DNAH17: variants seen among roughly 807,000 people sequenced by gnomAD.
DNAH17 encodes the protein axonemal beta dynein heavy chain 17.
In DNAH17, 376 loss-of-function variants were observed where a neutral mutation model predicts 485.6. The ratio of observed to expected loss-of-function variants is 0.77; its 90% CI spans 0.71 to 0.84. The LOEUF (loss-of-function observed/expected upper bound fraction) is 0.84. DNAH17 is among the 40% of genes least tolerant of loss of function. DNAH17 has a pLI of 0.00. For synonymous variants in DNAH17, 3,031 were observed against 2,405.9 expected (o/e 1.26, Z -7.60); for missense variants, 6,370 against 5,839.3 (o/e 1.09, Z -2.96).
In DNAH17 at chr17:78,506,729, G is replaced by T. The variant is rs2090495453; in HGVS notation, c.4794C>A (p.Asp1598Glu). ...DLLDILSNGN[D>E]PVEVSRHLSK... is the part of the protein sequence containing the mutation. ...AAGGGGCCCCGCCTACCTCCACGGG[G>T]TCATTGCCATTGGAGAGAATGTCCA... The change falls in exon 30 of 81, where the codon GAC becomes GAA. Residue 1598 changes from aspartate (D) to glutamate (E), a missense_variant. By Grantham distance (45) the Asp-to-Glu change is conservative. Coordinates refer to ENST00000389840, the MANE Select transcript of DNAH17 (RefSeq NM_173628.4). The T allele has an allele frequency of 1.9e-6, 3 of 1,613,848 alleles. No homozygotes were observed. The highest frequency in any genetic ancestry group is 1.1e-5 in the South Asian group (1 of 91,088).
At position 78,436,560 on chromosome 17, in the gene DNAH17, CAG is replaced by C. The variant is rs764139838; in HGVS notation, c.12033+1079_12033+1080del. The stretch of plus-strand genomic sequence containing the variant: ...GGAGAAATATCGACATGAGGACCTG[CAG>C]AGGCAGGAGCACCCCCGAGGACAAG... On this transcript the variant is annotated intron_variant, in intron 74 of 80. Coordinates refer to ENST00000389840, the MANE Select transcript of DNAH17 (RefSeq NM_173628.4). 5.9e-5 allele frequency among the ~76,000 whole-genome samples: 9 copies of C among 152,196 alleles called. 1 individual carries two copies. In the East Asian group the frequency reaches 7.7e-4, roughly 13 times the overall value.
At chr17:78,544,124 T>C in intron 16 of DNAH17, 127 bp from the exon 17 acceptor site, 2 of 1,335,682 alleles carry the variant, frequency 1.5e-6, no homozygotes, top group Non-Finnish European at 2.1e-6. Context: ...AGTCTAGTTC[T>C]CCACGATCCA....
At chr17:78,453,262 G>A (rs1376442538) in intron 65 of DNAH17, 81 bp downstream of exon 65, 12 of 1,544,016 alleles carry the variant, frequency 7.8e-6, no homozygotes, top group East Asian at 2.4e-5. Context: ...AATTCCGGGC[G>A]TTTTCTCTAC....
rs1371132388 is a variant in DNAH17 at position 78,524,171 on chromosome 17, TC to T, written c.3864+837del. On this transcript the variant is annotated intron_variant, in intron 25 of 80. Transcript: ENST00000389840. ...TTTATTTTTTGAGATGGAGTCTCAC[TC>T]TATCGCCCAGGCTGGAGTACAGTGG... Among the ~76,000 whole-genome samples the T allele has an allele frequency of 2.0e-5, 3 of 152,258 alleles. No individual in the cohort carries two copies. The East Asian group carries it at 5.8e-4, about 29-fold the overall frequency.
At chr17:78,508,407 C>G (rs935791880) in intron 27 of DNAH17, among the ~76,000 whole-genome samples, 1 of 152,246 alleles carries the variant, frequency 6.6e-6, no homozygotes, top group Non-Finnish European at 1.5e-5. Context: ...TACTTTTCTA[C>G]AACTTACGCT....
chr17:78,484,559 A>AG (rs761830625), intron 48 of DNAH17, among the ~76,000 whole-genome samples: 3 of 114,190 alleles, frequency 2.6e-5, no homozygotes, highest in Admixed American at 1.0e-4. Context: ...CCTCGGTGGA[A>AG]GGGGGGAAGG....
chr17:78,464,572 C>T (rs943062149), intron 56 of DNAH17, among the ~76,000 whole-genome samples: 5 of 152,254 alleles, frequency 3.3e-5, no homozygotes, highest in Non-Finnish European at 7.3e-5. Context: ...TCGGCACCAT[C>T]TTTCAATGAA....
At chr17:78,539,973 T>C (rs1330581365) in intron 17 of DNAH17, 93 bp from the exon 18 acceptor site, 8 of 1,300,726 alleles carry the variant, frequency 6.2e-6, no homozygotes, top group Non-Finnish European at 8.1e-6. Flanking sequence ...CGCCCGTCCA[T>C]GTTCACACGC....
chr17:78,433,135 G>A (rs1331043864), intron 75 of DNAH17, among the ~76,000 whole-genome samples: 1 of 152,184 alleles, frequency 6.6e-6, no homozygotes, highest in Non-Finnish European at 1.5e-5. Flanking sequence ...GAGGACCCAG[G>A]GTTTATAGGG....
chr17:78,445,464 C>A, intron 70 of DNAH17, 94 bp downstream of exon 70: 1 of 1,478,594 alleles, frequency 6.8e-7, no homozygotes, highest in South Asian at 1.3e-5. Flanking sequence ...GCCACAGAGC[C>A]TGGTATTCTG....
Position 78,479,765 on chromosome 17 carries a change from T to TA in DNAH17, c.7753-134dup, listed in dbSNP as rs1457849591. The TA allele has an allele frequency of 8.0e-6, 10 of 1,247,338 alleles. No homozygotes were observed. The South Asian group carries it at 1.2e-4, about 15-fold the overall frequency. 77.3% of individuals were successfully genotyped at this position (1,247,338 alleles called of 1,614,324 possible). A position where few individuals can be genotyped will look rare whatever the true frequency, so the allele number is the denominator to read the frequency against. ...TTTGGGCATTGTCAGAATGGGCAGT[T>TA]ACCCTCCTTGTGCCTTGCATGTGGT... On this transcript the variant is annotated intron_variant, in intron 49 of 80. Transcript: ENST00000389840.
At chr17:78,568,586 G>A (rs1047549139) in intron 9 of DNAH17, among the ~76,000 whole-genome samples, 8 of 152,086 alleles carry the variant, frequency 5.3e-5, no homozygotes, top group South Asian at 2.1e-4. Context: ...AGAGAAAACC[G>A]CCTTGAAGCT....
At chr17:78,500,578 G>A (rs1157720348) in intron 35 of DNAH17, 117 bp from the exon 36 acceptor site, 21 of 1,062,494 alleles carry the variant, frequency 2.0e-5, no homozygotes, top group Non-Finnish European at 2.7e-5. Context: ...GTACAATCTT[G>A]GCTCACTGCA....
Position 78,449,600 on chromosome 17 carries a change from C to T in DNAH17, c.11041-16G>A, listed in dbSNP as rs759319471. The T allele has an allele frequency of 1.2e-5, 19 of 1,594,814 alleles. No homozygotes were observed. The highest frequency in any genetic ancestry group is 1.7e-5 in the Admixed American group (1 of 58,132). On this transcript the variant is annotated splice_polypyrimidine_tract_variant and intron_variant, in intron 68 of 80. Transcript: ENST00000389840. ...CGTTGAAGGCCTGGGGATCCGCCAC[C>T]GAGAGCCATGGAGGCGTGCAGAGAT...
Position 78,532,477 on chromosome 17 carries a change from C to A in DNAH17, c.3114+5G>T, listed in dbSNP as rs138759235. The A allele has an allele frequency of 1.2e-6, 2 of 1,606,812 alleles. No homozygotes were observed. Among genetic ancestry groups the A allele is most frequent in the South Asian group, 2.2e-5 (2 of 89,672 alleles). On this transcript the variant is annotated splice_donor_5th_base_variant and intron_variant, in intron 20 of 80. Transcript: ENST00000389840. Reference sequence around the variant, plus strand: ...AGGAGGCTGGTGGGTGAGGTCTGCACGCACCTGCTCCTGGAACTGAGCCAG... The same window carrying A: ...AGGAGGCTGGTGGGTGAGGTCTGCAAGCACCTGCTCCTGGAACTGAGCCAG...
At chr17:78,543,153 C>T (rs2091647854) in intron 17 of DNAH17, among the ~76,000 whole-genome samples, 1 of 152,178 alleles carries the variant, frequency 6.6e-6, no homozygotes, top group African/African-American at 2.4e-5. Flanking sequence ...CTCACTCTTT[C>T]ACCCAGGCTG....
intron 22 of DNAH17, among the ~76,000 whole-genome samples, chr17:78,529,119 T>G (rs1361806342): frequency 6.6e-6 from 1 of 152,102 alleles, no homozygotes; most frequent in Non-Finnish European, 1.5e-5. Flanking sequence ...TTTCTATATT[T>G]TTGTAGAGAT....
chr17:78,554,436 CA>C (rs55701739), intron 14 of DNAH17, among the ~76,000 whole-genome samples: 16 of 32,240 alleles, frequency 5.0e-4, no homozygotes, highest in South Asian at 1.6e-3. Flanking sequence ...GACTCTGTCT[CA>C]AAAAAAAAAA....
At chr17:78,438,426 A>AGGAGGAGGAGGAGGAGGAGGAGGAG (rs1568050636) in intron 73 of DNAH17, among the ~76,000 whole-genome samples, 1 of 1,752 alleles carries the variant, frequency 5.7e-4, no homozygotes, top group African/African-American at 2.6e-3. Flanking sequence ...AGTGAGGAGA[A>AGGAGGAGGAGGAGGAGGAGGAGGAG]GGAGGAGGAG....
Sources: allele counts gnomAD v4.1 joint callset (sites outside exome capture counted in the v4.1 genomes callset), GRCh38; gene constraint gnomAD v4.1.1; transcripts MANE v1.5; gene names NCBI Gene and HGNC (gene_info 2026-07-23, HGNC 2026-07-21).